The following CAMTA1 variants were observed in gnomAD, a reference collection of about 807,000 sequenced individuals.
CAMTA1 encodes calmodulin-binding transcription activator 1.
A neutral mutation model predicts 170.9 loss-of-function variants in CAMTA1; 27 were observed. The ratio of observed to expected loss-of-function variants is 0.16; its 90% CI spans 0.12 to 0.22. The LOEUF is 0.22. Among genes scored for constraint, CAMTA1 ranks in the 10% least tolerant of loss-of-function variants. The pLI, the probability that CAMTA1 is intolerant of heterozygous loss-of-function variation, is 1.00. For missense variants in CAMTA1, 1,619 were observed against 2,217.2 expected (o/e 0.73, Z 5.42); for synonymous variants, 833 against 891.5 (o/e 0.93, Z 1.17).
At chr1:7,043,132 CATTT>C (rs1704737703) in intron 3 of CAMTA1, among the ~76,000 whole-genome samples, 1 of 152,212 alleles carries the variant, frequency 6.6e-6, no homozygotes, top group Non-Finnish European at 1.5e-5. Flanking sequence ...ACTTAGGGAA[CATTT>C]GACTGCCAAG....
At chr1:7,215,276 T>G (rs1346597270) in intron 4 of CAMTA1, among the ~76,000 whole-genome samples, 1 of 152,232 alleles carries the variant, frequency 6.6e-6, no homozygotes, top group Non-Finnish European at 1.5e-5. Flanking sequence ...TTCTAGCTTT[T>G]TGAGCTTAGA....
intron 5 of CAMTA1, among the ~76,000 whole-genome samples, chr1:7,381,568 G>T (rs1386496990): frequency 6.6e-6 from 1 of 151,308 alleles, no homozygotes; most frequent in African/African-American, 2.4e-5. Flanking sequence ...TGGACATTTG[G>T]GTTGGTTCCA....
chr1:7,588,717 A>T lies in CAMTA1; in HGVS notation c.511-51683A>T, dbSNP rs2095331403. On this transcript the variant is annotated intron_variant, in intron 6 of 22. Transcript: ENST00000303635. This position sits in a 1 kb window ranked among gnomAD's most constrained non-coding sequence, Gnocchi z 5.8. ...GCCAGATGGACCTCTGCTCTCTGCC[A>T]GTGAGGTACCTGCCCCTGGAGCGGG... Among the ~76,000 whole-genome samples, 1 of 152,186 alleles carries T rather than the reference A, an allele frequency of 6.6e-6. No homozygotes were observed. Among genetic ancestry groups the T allele is most frequent in the Non-Finnish European group, 1.5e-5 (1 of 68,032 alleles).
chr1:7,039,736 C>G (rs1704140008), intron 3 of CAMTA1, among the ~76,000 whole-genome samples: 1 of 152,170 alleles, frequency 6.6e-6, no homozygotes, highest in African/African-American at 2.4e-5. Context: ...AGCACCTAAA[C>G]CCACTTGATA....
intron 3 of CAMTA1, among the ~76,000 whole-genome samples, chr1:6,947,377 A>ATT (rs879542711): frequency 2.1e-5 from 3 of 144,810 alleles, no homozygotes; most frequent in Non-Finnish European, 4.6e-5. Flanking sequence ...ATTGTCTTTA[A>ATT]TTTTTTTTTT....
chr1:7,301,444 C>T (rs1674742749), intron 5 of CAMTA1, among the ~76,000 whole-genome samples: 1 of 152,180 alleles, frequency 6.6e-6, no homozygotes, highest in South Asian at 2.1e-4. Context: ...ACAAAGGAGT[C>T]TTATAGTTTC....
chr1:6,907,787 C>T (rs1403364545), intron 3 of CAMTA1, among the ~76,000 whole-genome samples: 5 of 152,186 alleles, frequency 3.3e-5, no homozygotes, highest in Admixed American at 6.5e-5. Flanking sequence ...AGTCAGCCCT[C>T]GGTGGGGCCC....
intron 3 of CAMTA1, among the ~76,000 whole-genome samples, chr1:6,879,133 T>C (rs373739242): frequency 2.0e-5 from 3 of 152,288 alleles, no homozygotes; most frequent in African/African-American, 7.2e-5. Flanking sequence ...GGGATAAATA[T>C]AAGGATCTTC....
chr1:7,622,114 G>A (rs748117937), intron 6 of CAMTA1, among the ~76,000 whole-genome samples: 12 of 152,194 alleles, frequency 7.9e-5, no homozygotes, highest in Non-Finnish European at 1.0e-4. Context: ...AGGAGGAAGC[G>A]GAGATTGGTT....
At chr1:7,372,586 C>G (rs1386860063) in intron 5 of CAMTA1, among the ~76,000 whole-genome samples, 1 of 152,188 alleles carries the variant, frequency 6.6e-6, no homozygotes, top group Non-Finnish European at 1.5e-5. Flanking sequence ...GTGAACACGT[C>G]TCTGTGTTTC....
At chr1:7,644,496 AG>A (rs1269545364) in intron 7 of CAMTA1, among the ~76,000 whole-genome samples, 1 of 152,140 alleles carries the variant, frequency 6.6e-6, no homozygotes, top group Admixed American at 6.5e-5. Flanking sequence ...GTCACAGTTC[AG>A]GGTTGATGTG....
intron 11 of CAMTA1, among the ~76,000 whole-genome samples, chr1:7,686,477 G>A (rs2096258958): frequency 6.6e-6 from 1 of 151,712 alleles, no homozygotes; most frequent in Non-Finnish European, 1.5e-5. Context: ...CGCGTTGGGG[G>A]AGCTGCGGTC....
In CAMTA1 at chr1:6,925,281, C is replaced by T. The variant is rs188528341; in HGVS notation, c.234+100071C>T. ...CCACATTTCTTGATGGGCCAAGAGC[C>T]GCCAGCAGCCCTCCTGTCTCTCATG... On this transcript the variant is annotated intron_variant, in intron 3 of 22. Coordinates refer to ENST00000303635, the MANE Select transcript of CAMTA1 (RefSeq NM_015215.4). Among the ~76,000 whole-genome samples, 357 of 152,356 alleles carry T rather than the reference C, an allele frequency of 2.3e-3. 8 individuals are homozygous for T. Among genetic ancestry groups the T allele is most frequent in the Admixed American group, 0.022 (340 of 15,310 alleles).
chr1:7,244,912 A>C (rs1444644651), intron 4 of CAMTA1, among the ~76,000 whole-genome samples: 1 of 152,022 alleles, frequency 6.6e-6, no homozygotes, highest in South Asian at 2.1e-4. Context: ...AAAAATAAAT[A>C]CATAAATAAA....
chr1:7,306,435 A>G (rs1206365393), intron 5 of CAMTA1, among the ~76,000 whole-genome samples: 1 of 151,908 alleles, frequency 6.6e-6, no homozygotes, highest in African/African-American at 2.4e-5. Context: ...TCAAAAATCA[A>G]TTGTCTGTAT....
intron 3 of CAMTA1, among the ~76,000 whole-genome samples, chr1:6,845,036 AC>A (rs1161639019): frequency 6.6e-6 from 1 of 152,146 alleles, no homozygotes; most frequent in East Asian, 1.9e-4. Context: ...GAATTAGAGG[AC>A]CAGAGAAGAG....
At chr1:7,111,900 A>C (rs998774688) in intron 4 of CAMTA1, among the ~76,000 whole-genome samples, 16 of 151,480 alleles carry the variant, frequency 1.1e-4, no homozygotes, top group African/African-American at 2.7e-4. Flanking sequence ...AAAAAAAAAA[A>C]AAAAAAAAAA....
chr1:7,385,739 G>T (rs2087883546), intron 5 of CAMTA1, among the ~76,000 whole-genome samples: 1 of 152,210 alleles, frequency 6.6e-6, no homozygotes, highest in Admixed American at 6.5e-5. Flanking sequence ...TGATTCTGGG[G>T]TGCCCGCTCC....
intron 4 of CAMTA1, among the ~76,000 whole-genome samples, chr1:7,112,035 T>G (rs1644090517): frequency 6.6e-6 from 1 of 152,196 alleles, no homozygotes; most frequent in African/African-American, 2.4e-5. Flanking sequence ...TCTCTGTTTC[T>G]GAGTGTATGG....
Sources: gnomAD v4.1 joint callset for allele counts (sites outside exome capture counted in the v4.1 genomes callset) on GRCh38, gnomAD v4.1.1 for gene constraint, Gnocchi (gnomAD v3.1) non-coding constraint, MANE v1.5 for transcripts, NCBI Gene and HGNC (gene_info 2026-07-23, HGNC 2026-07-21) for gene names.